PARD3: variants seen among roughly 807,000 people sequenced by gnomAD.
The protein encoded by PARD3 is par-3 family cell polarity regulator.
PARD3 carries 75 observed loss-of-function variants against 155.4 expected under a neutral mutation model. The observed-to-expected ratio is 0.48, with a 90% confidence interval of 0.40 to 0.58. The LOEUF (loss-of-function observed/expected upper bound fraction) is 0.58, where lower values mean the gene tolerates loss of function less well. Ranked by LOEUF, PARD3 falls within the 20% of genes least tolerant of loss-of-function variation. PARD3 has a pLI of 0.00. For missense variants in PARD3, 1,642 were observed against 1,721.7 expected (o/e 0.95, Z 0.82); for synonymous variants, 576 against 610.5 (o/e 0.94, Z 0.83).
Position 34,143,804 on chromosome 10 carries a change from C to T in PARD3, c.3420-12221G>A, listed in dbSNP as rs566220392. Among the ~76,000 whole-genome samples the T allele has an allele frequency of 2.0e-5, 3 of 152,202 alleles. No individual in the cohort carries two copies. In the South Asian group the frequency reaches 6.2e-4, roughly 32 times the overall value. On this transcript the variant is annotated intron_variant, in intron 22 of 24. Transcript: ENST00000374788. ...AAGTAGTGAAACATACATCTAATAACCAGTTTTCTAAAAAGAAACCATTAA... is the reference window on the plus strand; with the variant it reads ...AAGTAGTGAAACATACATCTAATAATCAGTTTTCTAAAAAGAAACCATTAA...
intron 20 of PARD3, among the ~76,000 whole-genome samples, chr10:34,305,392 C>A (rs752833375): frequency 6.6e-6 from 1 of 152,160 alleles, no homozygotes; most frequent in Non-Finnish European, 1.5e-5. Context: ...ATGGCTGGGG[C>A]CTTCAGAAGG....
intron 2 of PARD3, among the ~76,000 whole-genome samples, chr10:34,573,735 AAAC>A (rs1564367889): frequency 1.1e-3 from 13 of 12,280 alleles, no homozygotes; most frequent in Non-Finnish European, 9.3e-4. Context: ...AAACAAACAA[AAAC>A]ACACACACAC....
chr10:34,401,126 T>C (rs1285178281), intron 6 of PARD3, among the ~76,000 whole-genome samples: 1 of 152,040 alleles, frequency 6.6e-6, no homozygotes, highest in Non-Finnish European at 1.5e-5. Context: ...TATCCCCAAC[T>C]TTTGCCCAAA....
intron 4 of PARD3, among the ~76,000 whole-genome samples, chr10:34,463,683 CAA>C (rs551580873): frequency 9.7e-4 from 147 of 152,142 alleles, no homozygotes; most frequent in Middle Eastern, 3.4e-3. Context: ...TTCGCTTAAA[CAA>C]AAGATATCTC....
At chr10:34,632,461 C>G (rs1408575479) in intron 2 of PARD3, among the ~76,000 whole-genome samples, 2 of 152,120 alleles carry the variant, frequency 1.3e-5, no homozygotes, top group Non-Finnish European at 2.9e-5. Context: ...CCATGTAGGA[C>G]AAAGGAATTA....
At chr10:34,345,369 C>T (rs139672015) in intron 15 of PARD3, 1 of 984,734 alleles carries the variant, frequency 1.0e-6, no homozygotes, top group Non-Finnish European at 1.2e-6. Flanking sequence ...TAGGGGATTA[C>T]TCCATATGAA....
At chr10:34,765,617 G>T (rs1420203696) in intron 1 of PARD3, among the ~76,000 whole-genome samples, 2 of 151,522 alleles carry the variant, frequency 1.3e-5, no homozygotes, top group Non-Finnish European at 2.9e-5. Context: ...GGCAGAAATT[G>T]CAGTAAGCTG....
chr10:34,535,411 A>G (rs2083153819), intron 2 of PARD3, among the ~76,000 whole-genome samples: 1 of 152,226 alleles, frequency 6.6e-6, no homozygotes, highest in Admixed American at 6.5e-5. Context: ...ATGAGACGAG[A>G]GTATTTCAGC....
intron 3 of PARD3, among the ~76,000 whole-genome samples, chr10:34,508,200 C>A (rs776355479): frequency 6.6e-6 from 1 of 152,080 alleles, no homozygotes; most frequent in South Asian, 2.1e-4. Flanking sequence ...TAATTAAATA[C>A]CATCATTTCA....
chr10:34,143,548 A>G (rs932890198), intron 22 of PARD3, among the ~76,000 whole-genome samples: 2 of 152,218 alleles, frequency 1.3e-5, no homozygotes, highest in Non-Finnish European at 2.9e-5. Context: ...TCTGTCTTTA[A>G]TGACAGCATA....
intron 2 of PARD3, among the ~76,000 whole-genome samples, chr10:34,560,341 G>A (rs1462594690): frequency 2.0e-5 from 3 of 152,098 alleles, no homozygotes; most frequent in South Asian, 2.1e-4. Flanking sequence ...GAACACCGCC[G>A]TGCAGAAAAA....
intron 1 of PARD3, among the ~76,000 whole-genome samples, chr10:34,702,445 A>T (rs920105928): frequency 3.9e-5 from 6 of 152,188 alleles, no homozygotes; most frequent in African/African-American, 1.4e-4. Context: ...TAGTAATTAA[A>T]GCCCCAGCTT....
intron 2 of PARD3, among the ~76,000 whole-genome samples, chr10:34,600,764 G>T (rs1025168553): frequency 6.6e-6 from 1 of 151,974 alleles, no homozygotes; most frequent in Non-Finnish European, 1.5e-5. Flanking sequence ...CTAAATACTT[G>T]GTAGGGCTAC....
chr10:34,408,429 T>C (rs1844717837), intron 5 of PARD3, among the ~76,000 whole-genome samples: 1 of 152,194 alleles, frequency 6.6e-6, no homozygotes, highest in South Asian at 2.1e-4. Flanking sequence ...TAGTGAGCTA[T>C]GGTATCCTAG....
At chr10:34,570,075 C>T (rs1278094578) in intron 2 of PARD3, among the ~76,000 whole-genome samples, 1 of 152,140 alleles carries the variant, frequency 6.6e-6, no homozygotes, top group Non-Finnish European at 1.5e-5. Context: ...GTACATCTAT[C>T]TAATCCTATA....
intron 1 of PARD3, among the ~76,000 whole-genome samples, chr10:34,813,520 G>A (rs1844481131): frequency 6.6e-6 from 1 of 152,174 alleles, no homozygotes; most frequent in Non-Finnish European, 1.5e-5. Context: ...CAATAAAAGA[G>A]TTCAACTGTA....
At chr10:34,349,927 G>A (rs1837858766) in intron 14 of PARD3, among the ~76,000 whole-genome samples, 2 of 152,086 alleles carry the variant, frequency 1.3e-5, no homozygotes, top group African/African-American at 4.8e-5. Context: ...TTAAAAAGGA[G>A]TACATGCAGG....
intron 23 of PARD3, among the ~76,000 whole-genome samples, chr10:34,127,532 G>A (rs1044462505): frequency 2.6e-5 from 4 of 152,006 alleles, no homozygotes; most frequent in Non-Finnish European, 5.9e-5. Context: ...TTCGATCTTT[G>A]TTCTCCCATA....
At chr10:34,442,391 C>A (rs1488192794) in intron 5 of PARD3, among the ~76,000 whole-genome samples, 2 of 152,140 alleles carry the variant, frequency 1.3e-5, no homozygotes, top group African/African-American at 4.8e-5. Flanking sequence ...TTTCCCTGAC[C>A]GATCTGAAGT....
Sources: allele counts gnomAD v4.1 joint callset (sites outside exome capture counted in the v4.1 genomes callset), GRCh38; gene constraint gnomAD v4.1.1; transcripts MANE v1.5; gene names NCBI Gene and HGNC (gene_info 2026-07-23, HGNC 2026-07-21).